LUZP2: variants seen among roughly 807,000 people sequenced by gnomAD.
LUZP2 encodes the protein leucine zipper protein 2.
In LUZP2, 52 loss-of-function variants were observed where a neutral mutation model predicts 51.6. The observed-to-expected ratio is 1.01, with a 90% CI of 0.81 to 1.27. LUZP2 has a LOEUF of 1.27. Among genes scored for constraint, LUZP2 ranks in the 50% most tolerant of loss-of-function variants. The pLI is 0.00. For missense variants in LUZP2, 436 were observed against 395.4 expected (o/e 1.10, Z -0.87); for synonymous variants, 154 against 137.3 (o/e 1.12, Z -0.85).
chr11:24,929,169 A>G (rs754098494), intron 7 of LUZP2, among the ~76,000 whole-genome samples: 1 of 151,898 alleles, frequency 6.6e-6, no homozygotes, highest in Non-Finnish European at 1.5e-5. Context: ...TATCTTTTCA[A>G]AAAATCAGCT....
intron 5 of LUZP2, chr11:24,891,667 A>T: frequency 9.2e-6 from 7 of 763,880 alleles, no homozygotes; most frequent in Non-Finnish European, 1.1e-5. Context: ...TTCTATCAGG[A>T]ATAACACTGT....
chr11:24,811,144 G>C (rs1850006615), intron 5 of LUZP2, among the ~76,000 whole-genome samples: 1 of 152,062 alleles, frequency 6.6e-6, no homozygotes. Context: ...ACTCTGTTTT[G>C]CTTCCAGTTT....
chr11:24,535,981 A>C (rs1228665759), intron 1 of LUZP2, among the ~76,000 whole-genome samples: 2 of 151,756 alleles, frequency 1.3e-5, no homozygotes, highest in Non-Finnish European at 2.9e-5. Flanking sequence ...TTGTGTTAGC[A>C]GACATAAAAG....
chr11:24,847,345 C>A (rs1050049095), intron 5 of LUZP2, among the ~76,000 whole-genome samples: 2 of 152,058 alleles, frequency 1.3e-5, no homozygotes, highest in Admixed American at 1.3e-4. Context: ...TTCTTCGGTA[C>A]TGAGTGATTC....
intron 9 of LUZP2, among the ~76,000 whole-genome samples, chr11:25,032,003 A>T (rs192841023): frequency 5.9e-5 from 9 of 152,248 alleles, no homozygotes; most frequent in Non-Finnish European, 1.0e-4. Flanking sequence ...GGACCTAAAA[A>T]TTGGACAGGG....
At chr11:24,771,244 G>T in intron 5 of LUZP2, among the ~76,000 whole-genome samples, 1 of 150,990 alleles carries the variant, frequency 6.6e-6, no homozygotes, top group East Asian at 2.0e-4. Flanking sequence ...TTAATAAAGA[G>T]TTATAGTCCA....
intron 1 of LUZP2, among the ~76,000 whole-genome samples, chr11:24,639,945 A>G (rs997214699): frequency 2.6e-5 from 4 of 151,894 alleles, no homozygotes; most frequent in Admixed American, 1.3e-4. Flanking sequence ...AGCTCTGTGA[A>G]GACTTTATTT....
At chr11:24,850,091 A>G (rs1014221812) in intron 5 of LUZP2, among the ~76,000 whole-genome samples, 1 of 151,972 alleles carries the variant, frequency 6.6e-6, no homozygotes, top group Non-Finnish European at 1.5e-5. Flanking sequence ...CACTTCGATG[A>G]TAGTTTCTTT....
intron 1 of LUZP2, among the ~76,000 whole-genome samples, chr11:24,649,686 C>T (rs1317328128): frequency 6.6e-6 from 1 of 151,748 alleles, no homozygotes. Context: ...TAACCTGAAT[C>T]GGGAGTTTAA....
intron 1 of LUZP2, among the ~76,000 whole-genome samples, chr11:24,594,017 C>T (rs1444660769): frequency 6.6e-6 from 1 of 152,104 alleles, no homozygotes; most frequent in South Asian, 2.1e-4. Flanking sequence ...GTGCCTGGCA[C>T]TTAGTAAGCA....
chr11:24,854,736 T>A (rs1202962210), intron 5 of LUZP2, among the ~76,000 whole-genome samples: 1 of 151,904 alleles, frequency 6.6e-6, no homozygotes, highest in Non-Finnish European at 1.5e-5. Context: ...CATTTTGTGC[T>A]TGAAACCCAG....
intron 1 of LUZP2, among the ~76,000 whole-genome samples, chr11:24,537,433 G>A (rs564176172): frequency 1.1e-4 from 17 of 151,940 alleles, no homozygotes; most frequent in Admixed American, 2.0e-4. Flanking sequence ...TACAACTCTC[G>A]AATCACGTAA....
intron 5 of LUZP2, among the ~76,000 whole-genome samples, chr11:24,888,168 C>T (rs1852732121): frequency 6.6e-6 from 1 of 152,106 alleles, no homozygotes; most frequent in South Asian, 2.1e-4. Context: ...GATTTACAGC[C>T]TTCATTCAGC....
rs1201968027 is a variant in LUZP2, at chr11:25,082,558, TATATA to T, written c.*3904_*3908del. The T allele has an allele frequency of 1.3e-5, 2 of 152,228 alleles. No homozygotes were observed. The highest frequency in any genetic ancestry group is 4.8e-5 in the African/African-American group (2 of 41,442). The allele number at this position is 152,228 out of a possible 1,614,324, so 9.4% of individuals were successfully genotyped here. On this transcript the variant is annotated 3_prime_UTR_variant, in exon 12 of 12. Transcript: ENST00000336930. The stretch of plus-strand genomic sequence containing the variant: ...AACTATGTGTTCATTTGGATTGTGT[TATATA>T]ATAACAGTCGAATGATGAAGAATAA...
At chr11:24,787,262 A>T (rs531143403) in intron 5 of LUZP2, among the ~76,000 whole-genome samples, 1 of 152,250 alleles carries the variant, frequency 6.6e-6, no homozygotes, top group South Asian at 2.1e-4. Context: ...CAAGCTAATG[A>T]TGTTAAAAAA....
chr11:24,933,834 A>G (rs999068510), intron 7 of LUZP2, among the ~76,000 whole-genome samples: 1 of 152,162 alleles, frequency 6.6e-6, no homozygotes, highest in Non-Finnish European at 1.5e-5. Flanking sequence ...TGGTGGGATT[A>G]TCATTAGTTC....
intron 9 of LUZP2, among the ~76,000 whole-genome samples, chr11:25,004,091 G>C (rs1478097399): frequency 6.6e-6 from 1 of 152,088 alleles, no homozygotes; most frequent in African/African-American, 2.4e-5. Context: ...AACATACCCG[G>C]GGCTCAGTGA....
At chr11:24,834,207 C>T (rs1203883149) in intron 5 of LUZP2, among the ~76,000 whole-genome samples, 1 of 152,100 alleles carries the variant, frequency 6.6e-6, no homozygotes, top group East Asian at 1.9e-4. Context: ...TGAAGCACCA[C>T]ATGCATTAGG....
At chr11:24,894,264 T>G (rs1226155480) in intron 5 of LUZP2, among the ~76,000 whole-genome samples, 2 of 147,610 alleles carry the variant, frequency 1.4e-5, no homozygotes, top group Non-Finnish European at 3.0e-5. Flanking sequence ...AACCTCCGCC[T>G]CCCGGGTTCA....
Sources: gnomAD v4.1 joint callset for allele counts (sites outside exome capture counted in the v4.1 genomes callset) on GRCh38, gnomAD v4.1.1 for gene constraint, MANE v1.5 for transcripts, NCBI Gene and HGNC (gene_info 2026-07-23, HGNC 2026-07-21) for gene names.